The following RRAS2 variants were observed in gnomAD, a reference collection of about 807,000 sequenced individuals.
RRAS2 encodes RAS related 2, also known as ras-related protein R-Ras2.
RRAS2 carries 7 observed loss-of-function variants against 27.6 expected under a neutral mutation model. The observed-to-expected ratio is 0.25, with a 90% confidence interval of 0.14 to 0.48. The LOEUF (loss-of-function observed/expected upper bound fraction) is 0.48. Among genes scored for constraint, RRAS2 ranks in the 20% least tolerant of loss-of-function variants. The pLI is 0.99. For missense variants in RRAS2, 178 were observed against 256.2 expected (o/e 0.69, Z 2.08); for synonymous variants, 86 against 90.9 (o/e 0.95, Z 0.31).
At chr11:14,320,908 T>G (rs1243417397) in intron 1 of RRAS2, among the ~76,000 whole-genome samples, 1 of 152,186 alleles carries the variant, frequency 6.6e-6, no homozygotes. Flanking sequence ...TGGCTGGGCA[T>G]AGTGGCTCAC....
intron 1 of RRAS2, among the ~76,000 whole-genome samples, chr11:14,323,808 C>T (rs1164645704): frequency 1.3e-5 from 2 of 151,894 alleles, no homozygotes; most frequent in Non-Finnish European, 2.9e-5. Context: ...CAAACAGAAT[C>T]CAGAATCCAA....
In RRAS2 at chr11:14,314,752, C is replaced by G. The variant is rs528059433; in HGVS notation, c.109-18897G>C. On this transcript the variant is annotated intron_variant, in intron 1 of 5. Transcript: ENST00000256196. ...TCGCCCATGCTGGAGTGCAGTGGTG[C>G]GATCTCGGCTCACTGCAACCTCCGC... is the stretch of plus-strand genomic sequence containing the variant. Among the ~76,000 whole-genome samples the G allele has an allele frequency of 1.2e-4, 19 of 152,176 alleles. No homozygotes were observed. In the South Asian group the frequency reaches 3.9e-3, roughly 32 times the overall value.
chr11:14,291,406 CTT>C (rs1351500758), intron 4 of RRAS2, among the ~76,000 whole-genome samples: 1 of 152,114 alleles, frequency 6.6e-6, no homozygotes, highest in Non-Finnish European at 1.5e-5. Flanking sequence ...TAAAACTTTT[CTT>C]TGTGTCTATC....
intron 1 of RRAS2, among the ~76,000 whole-genome samples, chr11:14,326,076 C>G (rs1554950972): frequency 6.6e-6 from 1 of 152,092 alleles, no homozygotes; most frequent in East Asian, 1.9e-4. Context: ...TACTAGAACC[C>G]CTTTGAGAGA....
At chr11:14,320,763 A>T (rs943029168) in intron 1 of RRAS2, among the ~76,000 whole-genome samples, 3 of 152,228 alleles carry the variant, frequency 2.0e-5, no homozygotes, top group African/African-American at 7.2e-5. Flanking sequence ...AAAAGAACTT[A>T]AGTCAAAATT....
intron 2 of RRAS2, among the ~76,000 whole-genome samples, chr11:14,295,508 T>C (rs1290421453): frequency 6.6e-6 from 1 of 152,174 alleles, no homozygotes; most frequent in African/African-American, 2.4e-5. Flanking sequence ...GTTGTCCCAA[T>C]AAAATCAACT....
Position 14,315,128 on chromosome 11 carries a change from C to CGT in RRAS2, c.109-19275_109-19274dup, listed in dbSNP as rs553689597. On this transcript the variant is annotated intron_variant, in intron 1 of 5. Coordinates refer to ENST00000256196, the MANE Select transcript of RRAS2 (RefSeq NM_012250.6). ...TCAAAATTAGACAGCATCCTCATTC[C>CGT]GTAAGTGTGAGCTGCACATAAGGAC... 2.0e-5 allele frequency among the ~76,000 whole-genome samples: 3 copies of CGT among 152,258 alleles called. No homozygotes were observed. The South Asian group carries it at 6.2e-4, about 32-fold the overall frequency.
rs1849452838 is a variant in RRAS2 at position 14,279,228 on chromosome 11, T to C, written c.*109A>G. On this transcript the variant is annotated 3_prime_UTR_variant, in exon 6 of 6. Transcript: ENST00000256196. ...CCAGCTTCTTCGTCTAAGGCTAACA[T>C]GGTGATCATTTGTCTAAGGCTAGAA... 2 of 794,896 alleles carry C rather than the reference T, an allele frequency of 2.5e-6. No individual in the cohort carries two copies. Among genetic ancestry groups the C allele is most frequent in the Admixed American group, 1.9e-5 (1 of 51,908 alleles). 49.2% of individuals were successfully genotyped at this position (794,896 alleles called of 1,614,324 possible). A position where few individuals can be genotyped will look rare whatever the true frequency, so the allele number is the denominator to read the frequency against.
At chr11:14,309,172 C>T (rs1266912296) in intron 1 of RRAS2, among the ~76,000 whole-genome samples, 2 of 152,160 alleles carry the variant, frequency 1.3e-5, no homozygotes, top group Non-Finnish European at 2.9e-5. Flanking sequence ...CCCTCTATCC[C>T]GTTACCTACC....
intron 4 of RRAS2, among the ~76,000 whole-genome samples, chr11:14,287,006 T>C (rs1409053391): frequency 6.6e-6 from 1 of 152,226 alleles, no homozygotes; most frequent in Non-Finnish European, 1.5e-5. Context: ...TTCTTCTTCC[T>C]GGGATGTCAT....
intron 1 of RRAS2, among the ~76,000 whole-genome samples, chr11:14,316,965 C>T (rs1554949628): frequency 6.6e-6 from 1 of 152,096 alleles, no homozygotes; most frequent in Non-Finnish European, 1.5e-5. Flanking sequence ...CTTTTGTTGA[C>T]AGGAGGATGA....
intron 1 of RRAS2, among the ~76,000 whole-genome samples, chr11:14,351,860 A>ACT (rs1848960185): frequency 6.9e-6 from 1 of 145,448 alleles, no homozygotes; most frequent in African/African-American, 2.5e-5. Flanking sequence ...GTGCCACTGC[A>ACT]CTCCAGCCTG....
At chr11:14,331,673 TAAAAAAAAA>T (rs80130992) in intron 1 of RRAS2, among the ~76,000 whole-genome samples, 3 of 81,582 alleles carry the variant, frequency 3.7e-5, no homozygotes, top group Admixed American at 1.4e-4. Flanking sequence ...CCCCAACTCT[TAAAAAAAAA>T]AAAAAAAAAA....
chr11:14,360,118 A>G (rs1436001337), upstream of RRAS2, among the ~76,000 whole-genome samples: 1 of 152,044 alleles, frequency 6.6e-6, no homozygotes, highest in Non-Finnish European at 1.5e-5. Flanking sequence ...TGACTATCAT[A>G]AGACTGCCAT....
chr11:14,294,926 A>G (rs1847505525), intron 2 of RRAS2, 64 bp from the exon 3 acceptor site: 1 of 1,391,346 alleles, frequency 7.2e-7, no homozygotes, highest in Non-Finnish European at 1.0e-6. Context: ...CACAAGGGCA[A>G]GACCAATTAA....
At chr11:14,341,372 T>C (rs951546694) in intron 1 of RRAS2, among the ~76,000 whole-genome samples, 1 of 152,178 alleles carries the variant, frequency 6.6e-6, no homozygotes, top group East Asian at 1.9e-4. Context: ...TTTCTGTATA[T>C]AGGAAACTAA....
chr11:14,354,148 A>T (rs1554955184), intron 1 of RRAS2, among the ~76,000 whole-genome samples: 1 of 152,184 alleles, frequency 6.6e-6, no homozygotes, highest in Admixed American at 6.5e-5. Context: ...TCTCTGCCCC[A>T]GGAAAAAGCA....
At chr11:14,364,356 G>A (rs946035585) in intron 1 of RRAS2, 1 of 1,535,496 alleles carries the variant, frequency 6.5e-7, no homozygotes, top group South Asian at 1.2e-5. Context: ...GGCCAAAGAA[G>A]GCCAAGCCCC....
At chr11:14,343,130 C>T (rs1848752090) in intron 1 of RRAS2, among the ~76,000 whole-genome samples, 1 of 152,210 alleles carries the variant, frequency 6.6e-6, no homozygotes, top group African/African-American at 2.4e-5. Flanking sequence ...TAAAGTAACT[C>T]ATGTCAGACA....
Sources: gnomAD v4.1 joint callset for allele counts (sites outside exome capture counted in the v4.1 genomes callset) on GRCh38, gnomAD v4.1.1 for gene constraint, MANE v1.5 for transcripts, NCBI Gene and HGNC (gene_info 2026-07-23, HGNC 2026-07-21) for gene names.